The following BAALC variants were observed in gnomAD, a reference collection of about 807,000 sequenced individuals.
The protein encoded by BAALC is brain and acute leukemia cytoplasmic protein.
BAALC carries 9 observed loss-of-function variants against 15.5 expected under a neutral mutation model. That is an observed-to-expected ratio of 0.58 (90% confidence interval 0.35 to 1.02). BAALC has a LOEUF of 1.02. Among genes scored for constraint, BAALC ranks in the 50% least tolerant of loss-of-function variants. BAALC has a pLI of 0.02. For missense variants in BAALC, 201 were observed against 192.4 expected, an observed-to-expected ratio of 1.04 and a Z score of -0.27; for synonymous variants, 80 against 74.6, an observed-to-expected ratio of 1.07 and a Z score of -0.37.
At chr8:103,193,271 G>A (rs1812014243) in intron 1 of BAALC, among the ~76,000 whole-genome samples, 2 of 152,280 alleles carry the variant, frequency 1.3e-5, no homozygotes, top group South Asian at 4.1e-4. Flanking sequence ...TGTAAATCTG[G>A]GTCTCCTGCT....
At chr8:103,216,739 G>A (rs1441169837) in intron 2 of BAALC, among the ~76,000 whole-genome samples, 1 of 152,208 alleles carries the variant, frequency 6.6e-6, no homozygotes, top group South Asian at 2.1e-4. Flanking sequence ...CCCTACCAAA[G>A]TGCTAGGATT....
At chr8:103,187,142 T>C (rs188901809) in intron 1 of BAALC, among the ~76,000 whole-genome samples, 13 of 152,268 alleles carry the variant, frequency 8.5e-5, no homozygotes, top group Non-Finnish European at 1.9e-4. Context: ...TCCCATCCCA[T>C]ACACACACAC....
chr8:103,152,206 G>A (rs1811001986), intron 1 of BAALC, among the ~76,000 whole-genome samples: 1 of 151,990 alleles, frequency 6.6e-6, no homozygotes, highest in Admixed American at 6.6e-5. Flanking sequence ...GGCCTCCAGG[G>A]GCCTGCATGA....
chr8:103,182,872 C>A (rs528321656), intron 1 of BAALC, among the ~76,000 whole-genome samples: 2 of 152,316 alleles, frequency 1.3e-5, no homozygotes, highest in African/African-American at 4.8e-5. Context: ...GAGCTAACTC[C>A]ATAGCACAGG....
intron 1 of BAALC, among the ~76,000 whole-genome samples, chr8:103,179,931 T>C (rs1811688380): frequency 6.6e-6 from 1 of 152,138 alleles, no homozygotes; most frequent in Non-Finnish European, 1.5e-5. Flanking sequence ...AGCTCCATGA[T>C]CAAAGAGAGG....
chr8:103,220,845 C>A (rs1812660961), intron 2 of BAALC, among the ~76,000 whole-genome samples: 1 of 152,162 alleles, frequency 6.6e-6, no homozygotes, highest in African/African-American at 2.4e-5. Flanking sequence ...AAAAATACTA[C>A]TTATACAGAA....
chr8:103,185,407 C>T (rs62527652), intron 1 of BAALC, among the ~76,000 whole-genome samples: 11,338 of 152,270 alleles, frequency 0.074, 567 homozygotes, highest in Non-Finnish European at 0.12. Flanking sequence ...GATTGTTCCT[C>T]ATATCTTATG....
intron 1 of BAALC, among the ~76,000 whole-genome samples, chr8:103,210,192 T>G (rs893512346): frequency 2.6e-4 from 39 of 152,110 alleles, no homozygotes; most frequent in African/African-American, 8.9e-4. Flanking sequence ...CAGGCTGTAA[T>G]TGGTGGAGGA....
chr8:103,208,874 T>C (rs1256428905), intron 1 of BAALC, among the ~76,000 whole-genome samples: 1 of 152,118 alleles, frequency 6.6e-6, no homozygotes, highest in Non-Finnish European at 1.5e-5. Flanking sequence ...CTGTGTTTCA[T>C]GTCCTTCAAC....
chr8:103,182,944 A>G (rs1007566823), intron 1 of BAALC, among the ~76,000 whole-genome samples: 2 of 152,136 alleles, frequency 1.3e-5, no homozygotes, highest in African/African-American at 4.8e-5. Context: ...CTCAGGCAAC[A>G]CCATTCAGAG....
chr8:103,229,822 C>G lies in BAALC; in HGVS notation c.*1723C>G, dbSNP rs1812887657. 6.6e-6 allele frequency: 1 copy of G among 152,148 alleles called. No homozygotes were observed. The highest frequency in any genetic ancestry group is 2.1e-4 in the South Asian group (1 of 4,826). The allele number at this position is 152,148 out of a possible 1,614,324, so 9.4% of individuals were successfully genotyped here. ...TTCTTTGAGAAAGGGCTTTTAGGAA[C>G]TTTATGTTCTAAAAAATGTTTTTAA... is the stretch of plus-strand genomic sequence containing the variant. On this transcript the variant is annotated 3_prime_UTR_variant, in exon 3 of 3. Transcript: ENST00000309982.
chr8:103,216,031 GC>G (rs1447319847), intron 2 of BAALC, among the ~76,000 whole-genome samples: 2 of 152,188 alleles, frequency 1.3e-5, no homozygotes, highest in African/African-American at 4.8e-5. Flanking sequence ...ACAAGTGTGA[GC>G]TTTTTCATGT....
At chr8:103,205,744 G>A (rs1171974376) in intron 1 of BAALC, among the ~76,000 whole-genome samples, 3 of 152,196 alleles carry the variant, frequency 2.0e-5, no homozygotes, top group Non-Finnish European at 4.4e-5. Context: ...GTTTCATGTA[G>A]TTTCATGCAT....
intron 1 of BAALC, among the ~76,000 whole-genome samples, chr8:103,156,233 G>A (rs369881516): frequency 1.4e-3 from 216 of 152,332 alleles, no homozygotes; most frequent in African/African-American, 5.1e-3. Context: ...AGCACATGCT[G>A]AACACTCAAA....
At chr8:103,153,175 G>A (rs1052461579) in intron 1 of BAALC, 1 of 152,158 alleles carries the variant, frequency 6.6e-6, no homozygotes, top group African/African-American at 2.4e-5. Context: ...AAAGTATCAG[G>A]GTCCTCTTGG....
At chr8:103,156,079 C>T (rs1811083880) in intron 1 of BAALC, among the ~76,000 whole-genome samples, 1 of 152,144 alleles carries the variant, frequency 6.6e-6, no homozygotes, top group African/African-American at 2.4e-5. Context: ...GTTCCAATGC[C>T]CACTCCTGTC....
intron 1 of BAALC, among the ~76,000 whole-genome samples, chr8:103,161,958 GT>G (rs113002365): frequency 3.0e-4 from 12 of 39,966 alleles, no homozygotes; most frequent in South Asian, 6.3e-4. Flanking sequence ...TTCTTTGTTT[GT>G]TTTTTGTTTT....
chr8:103,187,272 G>A (rs1453731127), intron 1 of BAALC, among the ~76,000 whole-genome samples: 1 of 152,136 alleles, frequency 6.6e-6, no homozygotes, highest in African/African-American at 2.4e-5. Context: ...TGAGAGCAGT[G>A]GTTCTCAACT....
At chr8:103,207,769 C>A (rs934951915) in intron 1 of BAALC, among the ~76,000 whole-genome samples, 3 of 152,190 alleles carry the variant, frequency 2.0e-5, no homozygotes, top group Non-Finnish European at 2.9e-5. Context: ...TGGTCTCCTA[C>A]ACAGGACATA....
Sources: allele counts gnomAD v4.1 joint callset (sites outside exome capture counted in the v4.1 genomes callset), GRCh38; gene constraint gnomAD v4.1.1; transcripts MANE v1.5; gene names NCBI Gene and HGNC (gene_info 2026-07-23, HGNC 2026-07-21).